Variants in MAK observed in about 807,000 individuals in gnomAD.
The protein encoded by MAK is serine/threonine-protein kinase MAK.
Under a neutral mutation model 82.6 loss-of-function variants are expected in MAK, and 65 were observed. The ratio of observed to expected loss-of-function variants is 0.79; its 90% CI spans 0.64 to 0.97. The LOEUF (loss-of-function observed/expected upper bound fraction) is 0.97. MAK is among the 50% of genes least tolerant of loss of function. The pLI is 0.00. For synonymous variants in MAK, 250 were observed against 274.2 expected (o/e 0.91, Z 0.87); for missense variants, 703 against 780.2 (o/e 0.90, Z 1.18).
At chr6:10,784,165 G>T (rs1774296451) in intron 11 of MAK, among the ~76,000 whole-genome samples, 1 of 152,084 alleles carries the variant, frequency 6.6e-6, no homozygotes, top group Non-Finnish European at 1.5e-5. Flanking sequence ...GCATAGCTTT[G>T]GTGGGGGGTG....
intron 8 of MAK, among the ~76,000 whole-genome samples, chr6:10,797,118 T>C (rs980665043): frequency 4.6e-5 from 7 of 151,864 alleles, no homozygotes; most frequent in Non-Finnish European, 7.4e-5. Context: ...ATATACCTAC[T>C]AGTAATAAAA....
chr6:10,791,851 T>C lies in MAK; in HGVS notation c.1144-4A>G. On this transcript the variant is annotated splice_polypyrimidine_tract_variant and splice_region_variant and intron_variant, in intron 9 of 14. Coordinates refer to ENST00000354489, the MANE Select transcript of MAK (RefSeq NM_001242957.3). Reference sequence around the variant, plus strand: ...GACTCAGTGTGCCATTTGGCTTCTGTGGTGGAAAATCAGTCATCATAATCT... The same window carrying C: ...GACTCAGTGTGCCATTTGGCTTCTGCGGTGGAAAATCAGTCATCATAATCT... 1 of 1,614,098 alleles carries C rather than the reference T, an allele frequency of 6.2e-7. No homozygotes were observed.
chr6:10,790,492 C>G (rs1774982674), intron 10 of MAK, among the ~76,000 whole-genome samples: 3 of 151,920 alleles, frequency 2.0e-5, no homozygotes, highest in Admixed American at 2.0e-4. Flanking sequence ...GAATAATGTA[C>G]TAAGGATGAC....
intron 11 of MAK, among the ~76,000 whole-genome samples, chr6:10,783,863 G>A (rs113876896): frequency 0.016 from 2,426 of 152,082 alleles, 27 homozygotes; most frequent in Non-Finnish European, 0.026. Flanking sequence ...TACTAAAAAT[G>A]CAAAAATTAG....
intron 1 of MAK, among the ~76,000 whole-genome samples, chr6:10,836,962 T>C (rs1452154074): frequency 6.6e-6 from 1 of 152,242 alleles, no homozygotes; most frequent in Non-Finnish European, 1.5e-5. Context: ...AATTACCGTT[T>C]CTCTAAGTGC....
intron 1 of MAK, among the ~76,000 whole-genome samples, chr6:10,834,876 A>T (rs1562013299): frequency 6.6e-6 from 1 of 152,126 alleles, no homozygotes; most frequent in Non-Finnish European, 1.5e-5. Context: ...CAAAGAATGC[A>T]CTCAGACACA....
At chr6:10,815,934 AT>A (rs1561991823) in intron 4 of MAK, among the ~76,000 whole-genome samples, 1 of 133,344 alleles carries the variant, frequency 7.5e-6, no homozygotes, top group Admixed American at 7.3e-5. Context: ...ATATATATAT[AT>A]ATATATATAT....
intron 11 of MAK, among the ~76,000 whole-genome samples, chr6:10,784,168 G>A (rs752791116): frequency 1.7e-4 from 26 of 152,094 alleles, no homozygotes; most frequent in Non-Finnish European, 2.8e-4. Context: ...TAGCTTTGGT[G>A]GGGGGTGGGG....
rs149006687 is a variant in MAK, at chr6:10,784,484, C to T, written c.1405G>A (p.Glu469Lys). Reference sequence around the variant, plus strand: ...TTAGAGGTTGGAGCAGTTGACAATTCGGAATCAGATTTTAGGGAAGTAACA... The same window carrying T: ...TTAGAGGTTGGAGCAGTTGACAATTTGGAATCAGATTTTAGGGAAGTAACA... ...PAVTSLKSDS[E>K]LSTAPTSKQY... Residue 469 changes from glutamate (E) to lysine (K), a missense_variant, in exon 11 of 15, where the codon GAA becomes AAA. Transcript: ENST00000354489. 5.2e-4 allele frequency: 834 copies of T among 1,614,132 alleles called. No homozygotes were observed. Among genetic ancestry groups the T allele is most frequent in the South Asian group, 6.7e-4 (61 of 91,082 alleles).
chr6:10,779,265 G>T, intron 11 of MAK: 1 of 893,282 alleles, frequency 1.1e-6, no homozygotes, highest in Non-Finnish European at 1.3e-6. Flanking sequence ...TGAGAGATTA[G>T]CTTTCAATTG....
intron 11 of MAK, among the ~76,000 whole-genome samples, chr6:10,781,767 A>G (rs1773989009): frequency 6.6e-6 from 1 of 152,150 alleles, no homozygotes; most frequent in Admixed American, 6.5e-5. Flanking sequence ...GACTTGGCAT[A>G]TACTACCAAT....
intron 6 of MAK, among the ~76,000 whole-genome samples, chr6:10,807,332 ATTCCT>A (rs1776556371): frequency 1.7e-5 from 2 of 119,606 alleles, no homozygotes; most frequent in South Asian, 2.7e-4. Context: ...ATACACATAT[ATTCCT>A]TTTTTTTTTT....
At position 10,764,398 on chromosome 6, in the gene MAK, G is replaced by A; in HGVS notation, c.*54C>T. 2.5e-6 allele frequency: 4 copies of A among 1,575,180 alleles called. No individual in the cohort carries two copies. The highest frequency in any genetic ancestry group is 3.5e-6 in the Non-Finnish European group (4 of 1,148,048). On this transcript the variant is annotated 3_prime_UTR_variant, in exon 15 of 15. Coordinates refer to ENST00000354489, the MANE Select transcript of MAK (RefSeq NM_001242957.3). ...ATTTGTAGACATTTCCCAGGGTCAA[G>A]GAACTTGCACGTACTCTACGGAGCA...
chr6:10,802,143 T>C, intron 7 of MAK, 84 bp from the exon 8 acceptor site: 1 of 1,000,840 alleles, frequency 1.0e-6, no homozygotes, highest in Middle Eastern at 2.3e-4. Flanking sequence ...AGCAGTAATA[T>C]AAACATCATT....
intron 5 of MAK, among the ~76,000 whole-genome samples, chr6:10,809,970 C>T (rs1441285159): frequency 2.0e-5 from 3 of 151,734 alleles, no homozygotes; most frequent in South Asian, 2.1e-4. Flanking sequence ...TGGTGGTGTG[C>T]GCCTGTAGTC....
At chr6:10,778,413 C>T (rs145185445) in intron 11 of MAK, among the ~76,000 whole-genome samples, 2 of 152,274 alleles carry the variant, frequency 1.3e-5, no homozygotes, top group East Asian at 3.9e-4. Flanking sequence ...TCATGATTAA[C>T]CCTCATTTAT....
rs60760932 is a variant in MAK at position 10,833,736 on chromosome 6, G to C, written c.-229-2859C>G. 4.7e-3 allele frequency among the ~76,000 whole-genome samples: 718 copies of C among 152,196 alleles called. 4 individuals carry two copies. The highest frequency in any genetic ancestry group is 0.017 in the African/African-American group (689 of 41,536). On this transcript the variant is annotated intron_variant, in intron 1 of 14. Transcript: ENST00000354489. The stretch of plus-strand genomic sequence containing the variant: ...TTTAGGCTAGCTAACTCCATGGCCA[G>C]GATCTTGAAAAAGAGAACATGACAG...
intron 9 of MAK, among the ~76,000 whole-genome samples, chr6:10,794,176 C>T (rs1775316844): frequency 6.6e-6 from 1 of 152,098 alleles, no homozygotes; most frequent in South Asian, 2.1e-4. Flanking sequence ...AGATTTTACC[C>T]AGTATTAAGG....
chr6:10,772,093 G>C (rs982855617), intron 13 of MAK, among the ~76,000 whole-genome samples: 1 of 152,200 alleles, frequency 6.6e-6, no homozygotes, highest in African/African-American at 2.4e-5. Context: ...GCTGGTGAGT[G>C]ACAAAATGGG....
Sources: gnomAD v4.1 joint callset for allele counts (sites outside exome capture counted in the v4.1 genomes callset) on GRCh38, gnomAD v4.1.1 for gene constraint, MANE v1.5 for transcripts, NCBI Gene and HGNC (gene_info 2026-07-23, HGNC 2026-07-21) for gene names.